The following ASH1L variants were observed in gnomAD, a reference collection of about 807,000 sequenced individuals.
ASH1L encodes histone-lysine N-methyltransferase ASH1L.
ASH1L carries 23 observed loss-of-function variants against 269.0 expected under a neutral mutation model. The ratio of observed to expected loss-of-function variants is 0.09; its 90% CI spans 0.06 to 0.12. The LOEUF (loss-of-function observed/expected upper bound fraction) is 0.12, where lower values mean the gene tolerates loss of function less well. Ranked by LOEUF, ASH1L falls within the 10% of genes least tolerant of loss-of-function variation. The probability of loss-of-function intolerance (pLI) is 1.00; values close to 1 mark genes in which losing one functional copy is unlikely to be tolerated. For synonymous variants in ASH1L, 1,187 were observed against 1,253.5 expected, an observed-to-expected ratio of 0.95 and a Z score of 1.12; for missense variants, 2,912 against 3,567.8, an observed-to-expected ratio of 0.82 and a Z score of 4.68.
intron 3 of ASH1L, among the ~76,000 whole-genome samples, chr1:155,464,797 T>C (rs1003504895): frequency 1.3e-5 from 2 of 152,128 alleles, no homozygotes; most frequent in Admixed American, 1.3e-4. Context: ...CTTTTGAAGA[T>C]AAAGACAGGA....
intron 2 of ASH1L, among the ~76,000 whole-genome samples, chr1:155,512,841 C>T (rs1439189074): frequency 6.6e-6 from 1 of 151,764 alleles, no homozygotes; most frequent in Non-Finnish European, 1.5e-5. Context: ...GGGAGGATCA[C>T]TTGAGCCCAG....
At chr1:155,552,057 C>T (rs1386943874) in intron 1 of ASH1L, among the ~76,000 whole-genome samples, 3 of 152,092 alleles carry the variant, frequency 2.0e-5, no homozygotes, top group African/African-American at 7.2e-5. Flanking sequence ...AGATCTATAT[C>T]GAAAAAAGAA....
chr1:155,512,092 G>A (rs1668198264), intron 2 of ASH1L, among the ~76,000 whole-genome samples: 1 of 152,110 alleles, frequency 6.6e-6, no homozygotes, highest in Non-Finnish European at 1.5e-5. Context: ...GATTACAGGT[G>A]TGAGCCACTG....
At chr1:155,422,806 C>A (rs536055268) in intron 5 of ASH1L, among the ~76,000 whole-genome samples, 1 of 151,712 alleles carries the variant, frequency 6.6e-6, no homozygotes, top group East Asian at 1.9e-4. Context: ...CCCGCTACCA[C>A]GCCTGGCTAT....
At chr1:155,494,336 G>T (rs746531293) in intron 2 of ASH1L, among the ~76,000 whole-genome samples, 2 of 152,158 alleles carry the variant, frequency 1.3e-5, no homozygotes, top group Non-Finnish European at 2.9e-5. Context: ...GCAGGTGGTA[G>T]GAAAATGGAC....
At chr1:155,536,444 T>C (rs183631763) in intron 1 of ASH1L, among the ~76,000 whole-genome samples, 23 of 152,294 alleles carry the variant, frequency 1.5e-4, no homozygotes, top group Non-Finnish European at 1.5e-5. Context: ...GCCTAATAAC[T>C]TGTTATCATC....
chr1:155,537,260 AT>A (rs1294054410), intron 1 of ASH1L, among the ~76,000 whole-genome samples: 1 of 152,162 alleles, frequency 6.6e-6, no homozygotes, highest in African/African-American at 2.4e-5. Flanking sequence ...AAGCTTGGGC[AT>A]TATTCACTCA....
At chr1:155,443,757 C>T (rs1432226802) in intron 4 of ASH1L, among the ~76,000 whole-genome samples, 2 of 152,152 alleles carry the variant, frequency 1.3e-5, no homozygotes. Flanking sequence ...CACATTGCCA[C>T]ATTTCTTTTT....
chr1:155,354,105 A>G (rs777286737), intron 16 of ASH1L, among the ~76,000 whole-genome samples: 2 of 152,246 alleles, frequency 1.3e-5, no homozygotes, highest in African/African-American at 2.4e-5. Flanking sequence ...TGTTAAATAG[A>G]TTATCTGCTG....
At chr1:155,529,891 C>T (rs1467693112) in intron 1 of ASH1L, among the ~76,000 whole-genome samples, 1 of 151,814 alleles carries the variant, frequency 6.6e-6, no homozygotes, top group Non-Finnish European at 1.5e-5. Flanking sequence ...AGTTTCCCTT[C>T]TGGTGGAGAT....
intron 1 of ASH1L, among the ~76,000 whole-genome samples, chr1:155,540,574 A>G (rs1303433157): frequency 6.6e-6 from 1 of 152,176 alleles, no homozygotes; most frequent in East Asian, 1.9e-4. Context: ...GTTTGAGATC[A>G]GCCTGGCAAC....
intron 2 of ASH1L, among the ~76,000 whole-genome samples, chr1:155,506,416 G>C (rs1357859823): frequency 6.6e-6 from 1 of 152,156 alleles, no homozygotes; most frequent in African/African-American, 2.4e-5. Context: ...ACAACATTAG[G>C]CTGGGCACGG....
chr1:155,382,161 G>A (rs577957486), intron 7 of ASH1L, among the ~76,000 whole-genome samples: 18 of 150,772 alleles, frequency 1.2e-4, no homozygotes, highest in Non-Finnish European at 2.2e-4. Flanking sequence ...AGCCCAGATC[G>A]TGCCATTACA....
chr1:155,490,157 G>A (rs1198211651), intron 2 of ASH1L, among the ~76,000 whole-genome samples: 4 of 151,292 alleles, frequency 2.6e-5, no homozygotes, highest in Admixed American at 2.6e-4. Context: ...GTAGATATGG[G>A]GTTTCACCGT....
At position 155,384,490 on chromosome 1, in the gene ASH1L, T is replaced by G. The variant is rs12754454; in HGVS notation, c.6104-4374A>C. On this transcript the variant is annotated intron_variant, in intron 7 of 27. Coordinates refer to ENST00000392403, the MANE Select transcript of ASH1L (RefSeq NM_018489.3). ...CTTTAAAATTGGTGTGGTTTTTTTT[T>G]GTTTTTTTTATTTTTTCTGAGATTC... 2.7e-3 allele frequency among the ~76,000 whole-genome samples: 399 copies of G among 145,650 alleles called. 2 individuals carry two copies. Among genetic ancestry groups the G allele is most frequent in the African/African-American group, 7.1e-3 (283 of 39,926 alleles).
chr1:155,347,803 A>G lies in ASH1L; in HGVS notation c.7656T>C (p.Ile2552=). The G allele has an allele frequency of 6.2e-7, 1 of 1,614,182 alleles. No homozygotes were observed. The highest frequency in any genetic ancestry group is 8.5e-7 in the Non-Finnish European group (1 of 1,180,020). Residue 2552 remains isoleucine, a synonymous_variant, in exon 20 of 28, where the codon ATT becomes ATC. Transcript: ENST00000392403. ...CTGCCTCACTTGCTGTCTCTCCCAC[A>G]ATCTCATCAATCTGGGCTGATGCCT... ...RHEASAQIDE[I]VGETASEADS...
rs1668868190 is a variant in ASH1L, at chr1:155,521,262, T to C, written c.258A>G (p.Lys86=). Residue 86 remains lysine (K), a synonymous_variant, in exon 2 of 28, where the codon AAA becomes AAG. Coordinates refer to ENST00000392403, the MANE Select transcript of ASH1L (RefSeq NM_018489.3). ...KETNFSEGNL[K]LKIGLQAKRT... is the part of the protein sequence containing the mutation. ...TCTTAGCCTGGAGGCCAATTTTCAA[T>C]TTTAAATTTCCCTCTGAAAAGTTTG... is the stretch of plus-strand genomic sequence containing the variant. The C allele has an allele frequency of 6.2e-7, 1 of 1,614,208 alleles. No homozygotes were observed. The highest frequency in any genetic ancestry group is 1.3e-5 in the African/African-American group (1 of 75,066).
Position 155,562,429 on chromosome 1 carries a change from G to C in ASH1L, c.-376C>G. On this transcript the variant is annotated 5_prime_UTR_variant, in exon 1 of 28. Coordinates refer to ENST00000392403, the MANE Select transcript of ASH1L (RefSeq NM_018489.3). ...CGAACCCAAAATGGCGGCGGGAGCG[G>C]CGGCGGCGGCGGCGGCAGCAGCAGA... 6.8e-7 allele frequency: 1 copy of C among 1,462,970 alleles called. No individual in the cohort carries two copies. Among genetic ancestry groups the C allele is most frequent in the East Asian group, 2.5e-5 (1 of 40,362 alleles). 90.6% of individuals were successfully genotyped at this position (1,462,970 alleles called of 1,614,324 possible). A position where few individuals can be genotyped will look rare whatever the true frequency, so the allele number is the denominator to read the frequency against.
At chr1:155,554,111 G>A (rs945607603) in intron 1 of ASH1L, among the ~76,000 whole-genome samples, 2 of 150,918 alleles carry the variant, frequency 1.3e-5, no homozygotes, top group South Asian at 2.1e-4. Flanking sequence ...TAGAGACAGG[G>A]TCTCACTCTG....
Sources: gnomAD v4.1 joint callset for allele counts (sites outside exome capture counted in the v4.1 genomes callset) on GRCh38, gnomAD v4.1.1 for gene constraint, MANE v1.5 for transcripts, NCBI Gene and HGNC (gene_info 2026-07-23, HGNC 2026-07-21) for gene names.